The following TTC39A variants were observed in gnomAD, a reference collection of about 807,000 sequenced individuals.
TTC39A encodes the protein tetratricopeptide repeat domain 39A.
In TTC39A, 46 loss-of-function variants were observed where a neutral mutation model predicts 82.3. The ratio of observed to expected loss-of-function variants is 0.56; its 90% CI spans 0.44 to 0.71. The LOEUF is 0.71. Among genes scored for constraint, TTC39A ranks in the 30% least tolerant of loss-of-function variants. The pLI is 0.00. For synonymous variants in TTC39A, 254 were observed against 275.2 expected (o/e 0.92, Z 0.76); for missense variants, 543 against 712.9 (o/e 0.76, Z 2.71).
At chr1:51,329,117 T>TAGAGGGC (rs1645818248) in intron 1 of TTC39A, among the ~76,000 whole-genome samples, 1 of 152,188 alleles carries the variant, frequency 6.6e-6, no homozygotes, top group Admixed American at 6.5e-5. Flanking sequence ...CCCGGGGTTG[T>TAGAGGGC]AGAGGGCACT....
chr1:51,305,189 T>G (rs188048469), intron 7 of TTC39A, 43 bp from the exon 8 acceptor site: 1 of 1,599,414 alleles, frequency 6.3e-7, no homozygotes. Context: ...GTACCCAGAG[T>G]GGGCAGGGGC....
intron 7 of TTC39A, 54 bp from the exon 8 acceptor site, chr1:51,305,200 C>A (rs2148193402): frequency 6.4e-7 from 1 of 1,560,910 alleles, no homozygotes; most frequent in East Asian, 2.3e-5. Context: ...GGGCAGGGGC[C>A]ACCCCCACTG....
At chr1:51,336,237 G>A (rs1381177702), upstream of TTC39A, among the ~76,000 whole-genome samples, 1 of 152,188 alleles carries the variant, frequency 6.6e-6, no homozygotes, top group Non-Finnish European at 1.5e-5. Context: ...GACAGTGACA[G>A]ATCTTAAATA....
rs562614911 is a variant in TTC39A at position 51,294,196 on chromosome 1, T to C, written c.1266+195A>G. 1.3e-5 allele frequency among the ~76,000 whole-genome samples: 2 copies of C among 152,266 alleles called. No homozygotes were observed. The highest frequency in any genetic ancestry group is 3.9e-4 in the East Asian group (2 of 5,180). On this transcript the variant is annotated intron_variant, in intron 14 of 17. Coordinates refer to ENST00000680483, the MANE Select transcript of TTC39A (RefSeq NM_001297663.2). This position sits in a 1 kb window ranked among gnomAD's most constrained non-coding sequence, Gnocchi z 4.3. ...CTTTTATCTGCAGCCTGCCTGTCTC[T>C]CCACTCTCAGCCCCAATGGACCCTC...
At position 51,288,754 on chromosome 1, in the gene TTC39A, G is replaced by C; in HGVS notation, c.1610+85C>G. On this transcript the variant is annotated intron_variant, in intron 17 of 17. Transcript: ENST00000680483. The surrounding 1 kb of genome is among the most constrained non-coding windows in gnomAD (Gnocchi z 4.8). The stretch of plus-strand genomic sequence containing the variant: ...GGCCTTGCTAGCAACTCCACTCACT[G>C]CTCTCTGGGCAACTCTGTCCCCAGC... The C allele has an allele frequency of 5.3e-6, 7 of 1,318,416 alleles. No individual in the cohort carries two copies. The highest frequency in any genetic ancestry group is 7.4e-6 in the Non-Finnish European group (7 of 943,046). The allele number at this position is 1,318,416 out of a possible 1,614,324, so 81.7% of individuals were successfully genotyped here. A position where few individuals can be genotyped will look rare whatever the true frequency, so the allele number is the denominator to read the frequency against.
chr1:51,304,202 ATTTATT>A (rs1276973069), intron 8 of TTC39A, among the ~76,000 whole-genome samples: 1 of 152,192 alleles, frequency 6.6e-6, no homozygotes, highest in African/African-American at 2.4e-5. Flanking sequence ...CCCTCGTGGT[ATTTATT>A]TTTATGATTA....
intron 1 of TTC39A, among the ~76,000 whole-genome samples, chr1:51,323,040 C>T (rs1645587737): frequency 6.6e-6 from 1 of 152,124 alleles, no homozygotes; most frequent in Non-Finnish European, 1.5e-5. Context: ...GCCATGTTGC[C>T]CAGGCTGGTC....
At position 51,298,431 on chromosome 1, in the gene TTC39A, C is replaced by G. The variant is rs1644527028; in HGVS notation, c.1054-2261G>C. The G allele has an allele frequency of 1.3e-5, 2 of 152,764 alleles. 1 individual carries two copies. Among genetic ancestry groups the G allele is most frequent in the South Asian group, 4.1e-4 (2 of 4,840 alleles). 9.5% of individuals were successfully genotyped at this position (152,764 alleles called of 1,614,324 possible). On this transcript the variant is annotated intron_variant, in intron 12 of 17. Coordinates refer to ENST00000680483, the MANE Select transcript of TTC39A (RefSeq NM_001297663.2). ...CTACACTCCTTAAACTCTCCCCAGGCCTCTGCCTGTGCTGCTCCTCGGCCC... is the reference window on the plus strand; with the variant it reads ...CTACACTCCTTAAACTCTCCCCAGGGCTCTGCCTGTGCTGCTCCTCGGCCC...
At chr1:51,336,455 G>A (rs1325592996) in intron 1 of TTC39A, among the ~76,000 whole-genome samples, 20 of 152,080 alleles carry the variant, frequency 1.3e-4, no homozygotes, top group Admixed American at 1.3e-3. Context: ...TAGGATCTGG[G>A]CTCTTCTACC....
At chr1:51,330,678 C>T, upstream of TTC39A, 2 of 946,794 alleles carry the variant, frequency 2.1e-6, no homozygotes, top group Non-Finnish European at 2.5e-6. This position sits in a 1 kb window ranked among gnomAD's most constrained non-coding sequence, Gnocchi z 4.5. Flanking sequence ...CCCGCGGCGA[C>T]CCGCGCTCCC....
At position 51,330,012 on chromosome 1, in the gene TTC39A, A is replaced by T. The variant is rs1207650590; in HGVS notation, c.41+425T>A. On this transcript the variant is annotated intron_variant, in intron 1 of 17. Coordinates refer to ENST00000680483, the MANE Select transcript of TTC39A (RefSeq NM_001297663.2). The surrounding 1 kb of genome is among the most constrained non-coding windows in gnomAD (Gnocchi z 4.5). ...GGGGATCTGACAACAGACAGAACTG[A>T]GTTCAAATCCCACCCGCAACTCTTA... 1 of 409,006 alleles carries T rather than the reference A, an allele frequency of 2.4e-6. No homozygotes were observed. Among genetic ancestry groups the T allele is most frequent in the Non-Finnish European group, 3.3e-6 (1 of 303,574 alleles). The allele number at this position is 409,006 out of a possible 1,614,324, so 25.3% of individuals were successfully genotyped here. A position where few individuals can be genotyped will look rare whatever the true frequency, so the allele number is the denominator to read the frequency against.
In TTC39A at chr1:51,311,182, G is replaced by T. The variant is rs533515924; in HGVS notation, c.423+72C>A. ...GGGATGGGTCACAGTTGCTCTAGGG[G>T]ATGGGTCATGGTTGGACGTGGAAAC... On this transcript the variant is annotated intron_variant, in intron 5 of 17. Transcript: ENST00000680483. 198 of 1,433,630 alleles carry T rather than the reference G, an allele frequency of 1.4e-4. No individual in the cohort carries two copies. In the East Asian group the frequency reaches 4.8e-3, roughly 35 times the overall value. 88.8% of individuals were successfully genotyped at this position (1,433,630 alleles called of 1,614,324 possible).
intron 2 of TTC39A, among the ~76,000 whole-genome samples, chr1:51,320,690 C>A (rs974055321): frequency 6.6e-6 from 1 of 150,426 alleles, no homozygotes; most frequent in African/African-American, 2.5e-5. Flanking sequence ...TGGGCTCAAG[C>A]GATCTACCTG....
intron 14 of TTC39A, among the ~76,000 whole-genome samples, chr1:51,293,715 T>A (rs1644306834): frequency 6.6e-6 from 1 of 152,238 alleles, no homozygotes; most frequent in Admixed American, 6.5e-5. Context: ...CCTACTCAAA[T>A]CGTGCATAGA....
At chr1:51,326,142 A>G (rs1368689549) in intron 1 of TTC39A, among the ~76,000 whole-genome samples, 1 of 152,194 alleles carries the variant, frequency 6.6e-6, no homozygotes, top group Non-Finnish European at 1.5e-5. Flanking sequence ...AGATGCAGAC[A>G]GGGCAGTGAC....
At chr1:51,325,550 G>A (rs1188893730) in intron 1 of TTC39A, among the ~76,000 whole-genome samples, 1 of 152,200 alleles carries the variant, frequency 6.6e-6, no homozygotes, top group East Asian at 1.9e-4. Flanking sequence ...AATGCCCTGT[G>A]AAATGGGATT....
At chr1:51,331,089 A>C (rs572432231), upstream of TTC39A, 1 of 1,105,698 alleles carries the variant, frequency 9.0e-7, no homozygotes, top group Admixed American at 2.0e-5. Flanking sequence ...GATCCCCATA[A>C]TTGCTATTTT....
At chr1:51,333,969 TTTAA>T (rs1645942995), upstream of TTC39A, among the ~76,000 whole-genome samples, 1 of 152,172 alleles carries the variant, frequency 6.6e-6, no homozygotes, top group African/African-American at 2.4e-5. Context: ...GATTATCTTA[TTTAA>T]TTTTCACTTT....
At chr1:51,302,265 C>G (rs1418746876) in intron 11 of TTC39A, 92 bp downstream of exon 11, 3 of 656,670 alleles carry the variant, frequency 4.6e-6, no homozygotes, top group Admixed American at 2.3e-5. Context: ...CCAGTCTATC[C>G]TGTCCCTGAG....
Sources: gnomAD v4.1 joint callset for allele counts (sites outside exome capture counted in the v4.1 genomes callset) on GRCh38, gnomAD v4.1.1 for gene constraint, Gnocchi (gnomAD v3.1) non-coding constraint, MANE v1.5 for transcripts, NCBI Gene and HGNC (gene_info 2026-07-23, HGNC 2026-07-21) for gene names.